Variants in CDR2L observed in about 807,000 individuals in gnomAD.
The protein encoded by CDR2L is cerebellar degeneration-related protein 2-like.
In CDR2L, 19 loss-of-function variants were observed where a neutral mutation model predicts 36.1. The ratio of observed to expected loss-of-function variants is 0.53; its 90% CI spans 0.37 to 0.77. CDR2L has a LOEUF of 0.77. Ranked by LOEUF, CDR2L falls within the 30% of genes least tolerant of loss-of-function variation. CDR2L has a pLI of 0.00. For missense variants in CDR2L, 575 were observed against 627.2 expected (o/e 0.92, Z 0.89); for synonymous variants, 285 against 280.4 (o/e 1.02, Z -0.16).
intron 1 of CDR2L, among the ~76,000 whole-genome samples, chr17:74,991,263 G>A (rs1396527009): frequency 6.6e-6 from 1 of 151,944 alleles, no homozygotes; most frequent in African/African-American, 2.4e-5. Flanking sequence ...TTAGCCAGGC[G>A]TGGTGGCACA....
At chr17:74,991,313 A>T (rs1185616557) in intron 1 of CDR2L, among the ~76,000 whole-genome samples, 4 of 151,688 alleles carry the variant, frequency 2.6e-5, no homozygotes, top group Non-Finnish European at 5.9e-5. Context: ...GAGCCAGGAG[A>T]ATCTCTTGAA....
chr17:74,992,220 C>T (rs981794083), intron 1 of CDR2L, among the ~76,000 whole-genome samples: 5 of 152,200 alleles, frequency 3.3e-5, no homozygotes, highest in African/African-American at 1.2e-4. Flanking sequence ...TTTTCAAAGA[C>T]AGGCCCTGGG....
In CDR2L at chr17:75,005,289, A is replaced by AC. The variant is rs1346215794; in HGVS notation, c.*1218dup. On this transcript the variant is annotated 3_prime_UTR_variant, in exon 5 of 5. Coordinates refer to ENST00000337231, the MANE Select transcript of CDR2L (RefSeq NM_014603.3). This position sits in a 1 kb window ranked among gnomAD's most constrained non-coding sequence, Gnocchi z 4.2. The stretch of plus-strand genomic sequence containing the variant: ...AGAAAGTCAAGTTCAGCTAAGAGAC[A>AC]CCCAGGTCCCCAGCTTGCCCTGAGC... 1 of 152,432 alleles carries AC rather than the reference A, an allele frequency of 6.6e-6. No homozygotes were observed. The highest frequency in any genetic ancestry group is 2.4e-5 in the African/African-American group (1 of 41,376). The allele number at this position is 152,432 out of a possible 1,614,324, so 9.4% of individuals were successfully genotyped here. A position where few individuals can be genotyped will look rare whatever the true frequency, so the allele number is the denominator to read the frequency against.
intron 1 of CDR2L, among the ~76,000 whole-genome samples, chr17:74,995,533 GTC>G (rs923091954): frequency 1.3e-4 from 20 of 151,820 alleles, no homozygotes; most frequent in African/African-American, 4.8e-4. Flanking sequence ...TTGAGACAGG[GTC>G]TCTCTCTGTC....
At chr17:74,994,852 C>T (rs1007051711) in intron 1 of CDR2L, among the ~76,000 whole-genome samples, 29 of 151,944 alleles carry the variant, frequency 1.9e-4, no homozygotes, top group African/African-American at 7.0e-4. Flanking sequence ...GGGCGGATCA[C>T]GAGGTCAAGA....
In CDR2L at chr17:75,004,717, G is replaced by A. The variant is rs150309221; in HGVS notation, c.*643G>A. ...CCCTGCTCCAGCCCTGCCAGGGACA[G>A]GTTTCTCCCTGGATACTCTTGGCCC... On this transcript the variant is annotated 3_prime_UTR_variant, in exon 5 of 5. Transcript: ENST00000337231. The A allele has an allele frequency of 1.4e-4, 21 of 152,818 alleles. No homozygotes were observed. The highest frequency in any genetic ancestry group is 3.4e-3 in the Middle Eastern group (1 of 296). 9.5% of individuals were successfully genotyped at this position (152,818 alleles called of 1,614,324 possible).
At chr17:74,998,635 G>C (rs900713558) in intron 1 of CDR2L, among the ~76,000 whole-genome samples, 15 of 152,282 alleles carry the variant, frequency 9.9e-5, no homozygotes, top group East Asian at 1.9e-4. Context: ...AAGATGAAGC[G>C]GGGGAGAGAC....
intron 1 of CDR2L, among the ~76,000 whole-genome samples, chr17:74,991,337 G>A (rs559821779): frequency 2.0e-5 from 3 of 151,352 alleles, no homozygotes; most frequent in Middle Eastern, 6.8e-3. Flanking sequence ...AGGAGGCAGA[G>A]GTTGCAGTGA....
At chr17:75,000,223 C>T (rs1249703347) in intron 2 of CDR2L, among the ~76,000 whole-genome samples, 1 of 152,020 alleles carries the variant, frequency 6.6e-6, no homozygotes, top group Non-Finnish European at 1.5e-5. Context: ...TGCAGTGAGC[C>T]GTGATTGTGC....
intron 1 of CDR2L, among the ~76,000 whole-genome samples, chr17:74,992,357 G>GTT (rs202186494): frequency 1.4e-5 from 2 of 145,296 alleles, no homozygotes; most frequent in African/African-American, 5.0e-5. Context: ...ACTTAATGTT[G>GTT]TTTTTTTTTT....
intron 1 of CDR2L, among the ~76,000 whole-genome samples, chr17:74,998,636 G>A (rs1406098730): frequency 1.3e-5 from 2 of 152,176 alleles, no homozygotes; most frequent in African/African-American, 4.8e-5. Context: ...AGATGAAGCG[G>A]GGGAGAGACT....
At chr17:74,997,233 C>A (rs2039834454) in intron 1 of CDR2L, among the ~76,000 whole-genome samples, 1 of 152,078 alleles carries the variant, frequency 6.6e-6, no homozygotes, top group Non-Finnish European at 1.5e-5. Context: ...CTTGCGCCAC[C>A]ACACCCAGCT....
At position 74,987,677 on chromosome 17, in the gene CDR2L, G is replaced by T. The variant is rs375366938; in HGVS notation, c.-367G>T. 97 of 156,600 alleles carry T rather than the reference G, an allele frequency of 6.2e-4. No homozygotes were observed. In the East Asian group the frequency reaches 0.016, roughly 26 times the overall value. 9.7% of individuals were successfully genotyped at this position (156,600 alleles called of 1,614,324 possible). On this transcript the variant is annotated 5_prime_UTR_variant, in exon 1 of 5. Coordinates refer to ENST00000337231, the MANE Select transcript of CDR2L (RefSeq NM_014603.3). ...GTTGTCGCCGGGCGGGCCAGGAGCAGCGCGGACCCGAGCCGGGCAGGGGGC... is the reference window on the plus strand; with the variant it reads ...GTTGTCGCCGGGCGGGCCAGGAGCATCGCGGACCCGAGCCGGGCAGGGGGC...
chr17:75,003,446 T>G lies in CDR2L; in HGVS notation c.770T>G (p.Met257Arg). 1 of 1,578,380 alleles carries G rather than the reference T, an allele frequency of 6.3e-7. No individual in the cohort carries two copies. Among genetic ancestry groups the G allele is most frequent in the African/African-American group, 1.3e-5 (1 of 74,140 alleles). The stretch of plus-strand genomic sequence containing the variant: ...GCCGAGCTGCTGGAGCTGCAGCAGA[T>G]GAAGCAGGCCAAGACCTACCTACTG... Reference protein sequence around the residue: ...LEAELLELQQMKQAKTYLLGP... With the variant: ...LEAELLELQQRKQAKTYLLGP... Residue 257 changes from methionine (M) to arginine (R), a missense_variant, in exon 5 of 5, where the codon ATG becomes AGG. Met to Arg is a moderately conservative substitution (Grantham distance 91). Transcript: ENST00000337231.
chr17:74,998,812 G>A (rs2032353765), intron 1 of CDR2L, among the ~76,000 whole-genome samples: 1 of 152,214 alleles, frequency 6.6e-6, no homozygotes, highest in South Asian at 2.1e-4. Flanking sequence ...ACTCTCTGCT[G>A]TGTTGACTTC....
Position 75,004,141 on chromosome 17 carries a change from G to A in CDR2L, c.*67G>A. The A allele has an allele frequency of 1.4e-6, 2 of 1,410,036 alleles. No homozygotes were observed. Among genetic ancestry groups the A allele is most frequent in the Non-Finnish European group, 1.9e-6 (2 of 1,048,484 alleles). 87.3% of individuals were successfully genotyped at this position (1,410,036 alleles called of 1,614,324 possible). ...GGGTCCCTCAGGCCTGGGCGGTGCA[G>A]CTTCCAGAGAGCGAGCGCCCTTTAG... On this transcript the variant is annotated 3_prime_UTR_variant, in exon 5 of 5. Transcript: ENST00000337231.
At position 74,987,909 on chromosome 17, in the gene CDR2L, A is replaced by AG; in HGVS notation, c.-130dup. 2.7e-6 allele frequency: 1 copy of AG among 365,634 alleles called. No homozygotes were observed. The highest frequency in any genetic ancestry group is 4.8e-6 in the Non-Finnish European group (1 of 206,662). The allele number at this position is 365,634 out of a possible 1,614,324, so 22.6% of individuals were successfully genotyped here. On this transcript the variant is annotated 5_prime_UTR_variant, in exon 1 of 5. An upstream open reading frame in the 5' UTR loses its in-frame stop. Coordinates refer to ENST00000337231, the MANE Select transcript of CDR2L (RefSeq NM_014603.3). The stretch of plus-strand genomic sequence containing the variant: ...GGCTCCCGGCGAGCGGTTGATGGCG[A>AG]GGGGGCGCGGCGCGGGCTCTGTAGC...
intron 1 of CDR2L, among the ~76,000 whole-genome samples, chr17:74,998,522 G>GAA (rs61311045): frequency 3.4e-5 from 5 of 147,560 alleles, no homozygotes; most frequent in African/African-American, 1.2e-4. Context: ...TCCCTTAAAA[G>GAA]AAAAAAAAAA....
At position 75,002,227 on chromosome 17, in the gene CDR2L, C is replaced by G. The variant is rs145462238; in HGVS notation, c.505C>G (p.Arg169Gly). The G allele has an allele frequency of 1.3e-5, 21 of 1,605,732 alleles. No individual in the cohort carries two copies. The African/African-American group carries it at 2.0e-4, about 15-fold the overall frequency. The change falls in exon 4 of 5, where the codon CGG (arginine) becomes GGG (glycine). Residue 169 changes from arginine to glycine, a missense_variant and splice_region_variant. Transcript: ENST00000337231. This position sits in a 1 kb window ranked among gnomAD's most constrained non-coding sequence, Gnocchi z 4.1. ...CCTCAAGGAGCTGTGCACCAGCCCC[C>G]GGTAGGTGAGAGCACTGCTTGGTGT... ...PCLKELCTSP[R>G]CKDAFRLHSS...
Sources: allele counts gnomAD v4.1 joint callset (sites outside exome capture counted in the v4.1 genomes callset), GRCh38; gene constraint gnomAD v4.1.1; non-coding constraint Gnocchi (gnomAD v3.1); transcripts MANE v1.5; gene names NCBI Gene and HGNC (gene_info 2026-07-23, HGNC 2026-07-21).